CCDC91: variants seen among roughly 807,000 people sequenced by gnomAD.
CCDC91 encodes the protein coiled-coil domain-containing protein 91.
A neutral mutation model predicts 63.2 loss-of-function variants in CCDC91; 48 were observed. That is an observed-to-expected ratio of 0.76 (90% CI 0.60 to 0.97). The LOEUF (loss-of-function observed/expected upper bound fraction) is 0.97. CCDC91 is among the 50% of genes least tolerant of loss of function. CCDC91 has a pLI of 0.00. For synonymous variants in CCDC91, 167 were observed against 165.8 expected, an observed-to-expected ratio of 1.01 and a Z score of -0.06; for missense variants, 500 against 494.6, an observed-to-expected ratio of 1.01 and a Z score of -0.10.
rs777855531 is a variant in CCDC91, at chr12:28,549,334, T to C, written c.*161T>C. Reference sequence around the variant, plus strand: ...AACAATATTTAGAACTATCAAGTGATCTAATTTATTTTCTTTTGGTTTCTT... The same window carrying C: ...AACAATATTTAGAACTATCAAGTGACCTAATTTATTTTCTTTTGGTTTCTT... On this transcript the variant is annotated 3_prime_UTR_variant, in exon 13 of 13. Coordinates refer to ENST00000536442, the MANE Select transcript of CCDC91 (RefSeq NM_018318.5). 1.7e-5 allele frequency: 8 copies of C among 477,628 alleles called. No homozygotes were observed. Among genetic ancestry groups the C allele is most frequent in the Non-Finnish European group, 3.1e-5 (8 of 260,862 alleles). 29.6% of individuals were successfully genotyped at this position (477,628 alleles called of 1,614,324 possible). A position where few individuals can be genotyped will look rare whatever the true frequency, so the allele number is the denominator to read the frequency against.
At chr12:28,427,970 AG>A (rs1321558791) in intron 8 of CCDC91, among the ~76,000 whole-genome samples, 1 of 152,300 alleles carries the variant, frequency 6.6e-6, no homozygotes, top group East Asian at 1.9e-4. Context: ...GGCATAAAGT[AG>A]GGATGAGGAT....
intron 12 of CCDC91, among the ~76,000 whole-genome samples, chr12:28,539,478 G>A (rs920960338): frequency 4.6e-5 from 7 of 152,142 alleles, no homozygotes; most frequent in Non-Finnish European, 8.8e-5. Flanking sequence ...CTCTGTTTTG[G>A]TACCAGTACC....
intron 12 of CCDC91, among the ~76,000 whole-genome samples, chr12:28,501,864 A>G (rs1937927223): frequency 1.3e-5 from 2 of 151,282 alleles, no homozygotes; most frequent in African/African-American, 4.8e-5. Context: ...TAAGCTATTG[A>G]TTATTGCCAC....
intron 1 of CCDC91, among the ~76,000 whole-genome samples, chr12:28,224,613 G>A (rs968272470): frequency 6.6e-6 from 1 of 152,022 alleles, no homozygotes; most frequent in African/African-American, 2.4e-5. Flanking sequence ...GTCATTTTGC[G>A]TTTTCCTGTC....
intron 6 of CCDC91, among the ~76,000 whole-genome samples, chr12:28,357,777 T>A (rs1235238607): frequency 6.6e-6 from 1 of 152,116 alleles, no homozygotes; most frequent in Non-Finnish European, 1.5e-5. Context: ...ATTGGAATAG[T>A]TTACTTTTGA....
intron 6 of CCDC91, among the ~76,000 whole-genome samples, chr12:28,331,258 C>G (rs1414759047): frequency 6.6e-6 from 1 of 152,186 alleles, no homozygotes; most frequent in Non-Finnish European, 1.5e-5. Context: ...TAAATACAAT[C>G]TTAACGCCAT....
intron 6 of CCDC91, among the ~76,000 whole-genome samples, chr12:28,329,078 C>T (rs1263810766): frequency 6.6e-6 from 1 of 152,044 alleles, no homozygotes; most frequent in Non-Finnish European, 1.5e-5. Context: ...CTGGACTCTA[C>T]ATATGGTTTT....
At chr12:28,475,979 A>C (rs1335569278) in intron 11 of CCDC91, among the ~76,000 whole-genome samples, 2 of 152,004 alleles carry the variant, frequency 1.3e-5, no homozygotes, top group African/African-American at 4.8e-5. Flanking sequence ...TGCTTGTTAC[A>C]GACACTAAAA....
At chr12:28,519,624 G>A (rs2141398471) in intron 12 of CCDC91, among the ~76,000 whole-genome samples, 1 of 151,456 alleles carries the variant, frequency 6.6e-6, no homozygotes, top group Admixed American at 6.6e-5. Context: ...CAACGTGCAG[G>A]TTTGTTACAT....
intron 1 of CCDC91, among the ~76,000 whole-genome samples, chr12:28,244,994 A>G (rs1945631373): frequency 6.6e-6 from 1 of 152,168 alleles, no homozygotes; most frequent in South Asian, 2.1e-4. Flanking sequence ...TTGAAATAGT[A>G]TCATAGATAC....
intron 8 of CCDC91, among the ~76,000 whole-genome samples, chr12:28,431,682 C>T (rs1948634898): frequency 6.6e-6 from 1 of 151,890 alleles, no homozygotes; most frequent in Non-Finnish European, 1.5e-5. Context: ...CCCAAAGTGA[C>T]CTCTCTGCCA....
chr12:28,539,276 T>A (rs1374234448), intron 12 of CCDC91, among the ~76,000 whole-genome samples: 2 of 152,232 alleles, frequency 1.3e-5, no homozygotes, highest in Non-Finnish European at 2.9e-5. Flanking sequence ...CTTGAATTAA[T>A]TTTTGTAGAA....
intron 8 of CCDC91, among the ~76,000 whole-genome samples, chr12:28,405,996 TC>T (rs764896817): frequency 6.6e-5 from 10 of 152,082 alleles, no homozygotes; most frequent in Admixed American, 6.6e-4. Context: ...ACCCTATGCA[TC>T]CCCCTTACGA....
intron 12 of CCDC91, among the ~76,000 whole-genome samples, chr12:28,531,697 A>G (rs1396518418): frequency 6.6e-6 from 1 of 152,196 alleles, no homozygotes; most frequent in Non-Finnish European, 1.5e-5. Context: ...AGCAATTGCT[A>G]AAATAAAGTA....
intron 3 of CCDC91, among the ~76,000 whole-genome samples, chr12:28,261,857 ACACT>A (rs1219081930): frequency 1.3e-5 from 2 of 151,922 alleles, no homozygotes; most frequent in Admixed American, 1.3e-4. Flanking sequence ...TCACACTCAC[ACACT>A]CTTTTTTCCC....
chr12:28,499,119 T>C (rs1952475496), intron 12 of CCDC91, among the ~76,000 whole-genome samples: 1 of 151,560 alleles, frequency 6.6e-6, no homozygotes, highest in Non-Finnish European at 1.5e-5. Flanking sequence ...TTTTATGAAC[T>C]TGAGTTATTT....
chr12:28,541,907 T>C (rs1481325515), intron 12 of CCDC91, among the ~76,000 whole-genome samples: 1 of 152,156 alleles, frequency 6.6e-6, no homozygotes, highest in Non-Finnish European at 1.5e-5. Context: ...TATGTAAATA[T>C]AGCCTTATGG....
At chr12:28,287,273 C>T (rs1948970242) in intron 3 of CCDC91, among the ~76,000 whole-genome samples, 1 of 151,996 alleles carries the variant, frequency 6.6e-6, no homozygotes, top group Non-Finnish European at 1.5e-5. Context: ...TTGTCATGAA[C>T]ACTTTGCCTG....
intron 12 of CCDC91, among the ~76,000 whole-genome samples, chr12:28,485,439 TACA>T (rs201252778): frequency 0.014 from 2,143 of 152,182 alleles, 19 homozygotes; most frequent in African/African-American, 0.021. Context: ...GTGCCAGGAA[TACA>T]GGCATGAGCC....
Sources: gnomAD v4.1 joint callset for allele counts (sites outside exome capture counted in the v4.1 genomes callset) on GRCh38, gnomAD v4.1.1 for gene constraint, MANE v1.5 for transcripts, NCBI Gene and HGNC (gene_info 2026-07-23, HGNC 2026-07-21) for gene names.